The following FTO variants were observed in gnomAD, a reference collection of about 807,000 sequenced individuals.
The protein encoded by FTO is alpha-ketoglutarate-dependent dioxygenase FTO.
Under a neutral mutation model 63.9 loss-of-function variants are expected in FTO, and 47 were observed. The ratio of observed to expected loss-of-function variants is 0.74; its 90% CI spans 0.58 to 0.94. FTO has a LOEUF of 0.94. FTO is among the 40% of genes least tolerant of loss of function. The probability of loss-of-function intolerance (pLI) is 0.00; values close to 1 mark genes in which losing one functional copy is unlikely to be tolerated. For synonymous variants in FTO, 207 were observed against 224.4 expected (o/e 0.92, Z 0.69); for missense variants, 562 against 618.1 (o/e 0.91, Z 0.96).
At chr16:53,841,041 G>A (rs2151812162) in intron 3 of FTO, among the ~76,000 whole-genome samples, 1 of 65,824 alleles carries the variant, frequency 1.5e-5, no homozygotes, top group African/African-American at 7.1e-5. Flanking sequence ...AAGTGTAACA[G>A]TATATTATGT....
chr16:53,872,015 C>T (rs2080514226), intron 4 of FTO, among the ~76,000 whole-genome samples: 1 of 152,142 alleles, frequency 6.6e-6, no homozygotes, highest in Non-Finnish European at 1.5e-5. Flanking sequence ...GCATGAGCCA[C>T]TGTGCCTGGC....
intron 8 of FTO, chr16:54,040,448 C>G (rs1297859332): frequency 6.6e-6 from 1 of 151,860 alleles, no homozygotes; most frequent in Non-Finnish European, 1.5e-5. Flanking sequence ...AGAAATCTAC[C>G]CTAAAGTTGA....
At chr16:53,977,500 A>G (rs1383394885) in intron 8 of FTO, among the ~76,000 whole-genome samples, 1 of 152,196 alleles carries the variant, frequency 6.6e-6, no homozygotes, top group East Asian at 1.9e-4. Context: ...CTGTGATGTT[A>G]CTGTTTTGAA....
At chr16:53,806,295 T>C (rs1218919080) in intron 1 of FTO, among the ~76,000 whole-genome samples, 1 of 152,206 alleles carries the variant, frequency 6.6e-6, no homozygotes, top group East Asian at 1.9e-4. Context: ...AGGTTAGATG[T>C]TTGAATTGGT....
intron 4 of FTO, among the ~76,000 whole-genome samples, chr16:53,867,186 A>C (rs2080342558): frequency 6.6e-6 from 1 of 151,600 alleles, no homozygotes; most frequent in Non-Finnish European, 1.5e-5. Flanking sequence ...TTTTCCAACT[A>C]TCTTTCTGTT....
chr16:53,734,689 C>A (rs1018364473), intron 1 of FTO, among the ~76,000 whole-genome samples: 3 of 152,212 alleles, frequency 2.0e-5, no homozygotes, highest in African/African-American at 7.2e-5. Context: ...CAGTCAAATG[C>A]AGGTACTTTC....
At chr16:53,856,724 T>G (rs1267971522) in intron 4 of FTO, among the ~76,000 whole-genome samples, 1 of 150,920 alleles carries the variant, frequency 6.6e-6, no homozygotes, top group Non-Finnish European at 1.5e-5. Context: ...CACTCCAGCC[T>G]GGGTGACAGA....
At chr16:53,806,696 A>G (rs920439930) in intron 1 of FTO, among the ~76,000 whole-genome samples, 5 of 152,242 alleles carry the variant, frequency 3.3e-5, no homozygotes, top group Non-Finnish European at 7.3e-5. Context: ...TCACCATTTT[A>G]AAGTGTACAG....
Position 53,951,227 on chromosome 16 carries a change from C to T in FTO, c.1364+17118C>T, listed in dbSNP as rs117920905. Among the ~76,000 whole-genome samples, 695 of 152,302 alleles carry T rather than the reference C, an allele frequency of 4.6e-3. 2 individuals carry two copies. The highest frequency in any genetic ancestry group is 0.027 in the Middle Eastern group (8 of 294). ...TTCTTTCACAAGGACCTCACCCCGT[C>T]TCCAAGCTACCCCCCAACACAATGC... On this transcript the variant is annotated intron_variant, in intron 8 of 8. Coordinates refer to ENST00000471389, the MANE Select transcript of FTO (RefSeq NM_001080432.3).
At chr16:53,961,954 C>T (rs2083091315) in intron 8 of FTO, among the ~76,000 whole-genome samples, 1 of 152,170 alleles carries the variant, frequency 6.6e-6, no homozygotes, top group Admixed American at 6.5e-5. Context: ...AGTACCACTT[C>T]AATGAGAACC....
chr16:53,998,406 T>C (rs2083991995), intron 8 of FTO: 1 of 152,246 alleles, frequency 6.6e-6, no homozygotes, highest in South Asian at 2.1e-4. Context: ...CATGTATCTG[T>C]GTTGCAGGAG....
intron 6 of FTO, among the ~76,000 whole-genome samples, chr16:53,884,761 G>T (rs1479358574): frequency 6.6e-6 from 1 of 152,196 alleles, no homozygotes; most frequent in African/African-American, 2.4e-5. Context: ...TATGTGGGTT[G>T]ATTCCATTTC....
At chr16:53,868,591 ATTG>A (rs2080400477) in intron 4 of FTO, among the ~76,000 whole-genome samples, 2 of 152,228 alleles carry the variant, frequency 1.3e-5, no homozygotes, top group East Asian at 1.9e-4. Flanking sequence ...AATTGAATAC[ATTG>A]TTGTTATTAT....
At chr16:53,732,869 A>G (rs1190954691) in intron 1 of FTO, among the ~76,000 whole-genome samples, 3 of 152,190 alleles carry the variant, frequency 2.0e-5, no homozygotes, top group Non-Finnish European at 2.9e-5. Context: ...TGAATGAGTA[A>G]GGAAAAGAAG....
At chr16:54,079,449 G>A (rs1425810387) in intron 8 of FTO, among the ~76,000 whole-genome samples, 4 of 152,146 alleles carry the variant, frequency 2.6e-5, no homozygotes, top group Admixed American at 6.6e-5. Context: ...AGAAACAAAC[G>A]ACGAACAGAC....
rs547119375 is a variant in FTO, at chr16:53,891,823, GT to G, written c.1239+2876del. Among the ~76,000 whole-genome samples the G allele has an allele frequency of 4.1e-3, 621 of 152,276 alleles. 2 individuals are homozygous for G. Among genetic ancestry groups the G allele is most frequent in the Non-Finnish European group, 7.5e-3 (507 of 68,014 alleles). On this transcript the variant is annotated intron_variant, in intron 7 of 8. Transcript: ENST00000471389. ...CGTTAAGAGGAAATATCTGTTATTTGTTTTGTCGCTCTTGTATAAAAAATAC... is the reference window on the plus strand; with the variant it reads ...CGTTAAGAGGAAATATCTGTTATTTGTTTGTCGCTCTTGTATAAAAAATAC...
Position 54,120,261 on chromosome 16 carries a change from C to T in FTO, c.*8346C>T, listed in dbSNP as rs2086996677. ...GGAGCTGAAGGTACCTTGGAAGGGC[C>T]AGATGAGGAAGCTAGCCAAGGCCAC... On this transcript the variant is annotated 3_prime_UTR_variant, in exon 9 of 9. Transcript: ENST00000471389. 6.6e-6 allele frequency: 1 copy of T among 152,228 alleles called. No individual in the cohort carries two copies. Among genetic ancestry groups the T allele is most frequent in the African/African-American group, 2.4e-5 (1 of 41,440 alleles). The allele number at this position is 152,228 out of a possible 1,614,324, so 9.4% of individuals were successfully genotyped here.
chr16:54,060,879 C>T (rs1013010357), intron 8 of FTO, among the ~76,000 whole-genome samples: 7 of 152,304 alleles, frequency 4.6e-5, no homozygotes, highest in Admixed American at 4.6e-4. Context: ...AACTATCCTT[C>T]CCAGACATAA....
At chr16:53,993,006 C>A (rs1487249482) in intron 8 of FTO, 1 of 152,218 alleles carries the variant, frequency 6.6e-6, no homozygotes, top group Non-Finnish European at 1.5e-5. Context: ...CCGGCTTAGC[C>A]TGGGAATTTT....
Sources: gnomAD v4.1 joint callset for allele counts (sites outside exome capture counted in the v4.1 genomes callset) on GRCh38, gnomAD v4.1.1 for gene constraint, MANE v1.5 for transcripts, NCBI Gene and HGNC (gene_info 2026-07-23, HGNC 2026-07-21) for gene names.